The following ZFHX3 variants were observed in gnomAD, a reference collection of about 807,000 sequenced individuals.
The protein encoded by ZFHX3 is zinc finger homeobox 3.
In ZFHX3, 42 loss-of-function variants were observed where a neutral mutation model predicts 279.1. That is an observed-to-expected ratio of 0.15 (90% confidence interval 0.12 to 0.19). The LOEUF is 0.19. ZFHX3 is among the 10% of genes least tolerant of loss of function. ZFHX3 has a pLI of 1.00. For synonymous variants in ZFHX3, 2,293 were observed against 1,957.8 expected (o/e 1.17, Z -4.52); for missense variants, 4,981 against 4,754.0 (o/e 1.05, Z -1.40).
At chr16:72,835,226 G>T (rs2037160779) in intron 4 of ZFHX3, among the ~76,000 whole-genome samples, 1 of 152,194 alleles carries the variant, frequency 6.6e-6, no homozygotes, top group South Asian at 2.1e-4. Context: ...AACATTAGCT[G>T]TCATGAACCA....
At chr16:73,530,269 C>T (rs543592824) in intron 2 of ZFHX3, among the ~76,000 whole-genome samples, 4 of 152,128 alleles carry the variant, frequency 2.6e-5, no homozygotes, top group South Asian at 2.1e-4. Flanking sequence ...GGAAATTGCC[C>T]CCCTACTTAT....
intron 5 of ZFHX3, chr16:73,144,174 T>C (rs1966854671): frequency 5.4e-6 from 1 of 186,704 alleles, no homozygotes; most frequent in Non-Finnish European, 1.1e-5. Context: ...TAAAGAAATA[T>C]TGGTAGCGGG....
chr16:73,787,814 A>AGTGTGT (rs72236616), intron 1 of ZFHX3, among the ~76,000 whole-genome samples: 1,807 of 138,024 alleles, frequency 0.013, 17 homozygotes, highest in East Asian at 0.02. Flanking sequence ...GTTTTCTTAA[A>AGTGTGT]GTGTGTGTGT....
At chr16:73,327,127 T>C (rs542972302) in intron 3 of ZFHX3, among the ~76,000 whole-genome samples, 80 of 152,340 alleles carry the variant, frequency 5.3e-4, no homozygotes, top group African/African-American at 1.8e-3. Context: ...GATCAAACTA[T>C]TTTTGTTTTT....
chr16:73,335,763 C>G (rs565634448), intron 3 of ZFHX3, among the ~76,000 whole-genome samples: 2 of 152,308 alleles, frequency 1.3e-5, no homozygotes, highest in Admixed American at 1.3e-4. Context: ...GGGGAAGGCA[C>G]AGAGTCCCAC....
chr16:73,248,645 ATGTG>A (rs145260850), intron 5 of ZFHX3, among the ~76,000 whole-genome samples: 7 of 149,006 alleles, frequency 4.7e-5, no homozygotes, highest in Admixed American at 6.7e-5. Context: ...TGGAGAATGT[ATGTG>A]TGTGTGTGTG....
chr16:73,494,277 A>T (rs557163676), intron 2 of ZFHX3, among the ~76,000 whole-genome samples: 1 of 152,296 alleles, frequency 6.6e-6, no homozygotes, highest in South Asian at 2.1e-4. Context: ...CGTAAAGCAA[A>T]TGGCTGCAGG....
At chr16:73,690,710 G>A (rs988831116) in intron 1 of ZFHX3, among the ~76,000 whole-genome samples, 3 of 152,134 alleles carry the variant, frequency 2.0e-5, no homozygotes, top group African/African-American at 7.2e-5. Flanking sequence ...TTCCTCTTTT[G>A]GCTGCTGTGG....
chr16:73,702,740 A>G (rs890856926), intron 1 of ZFHX3, among the ~76,000 whole-genome samples: 1 of 152,150 alleles, frequency 6.6e-6, no homozygotes, highest in Non-Finnish European at 1.5e-5. Flanking sequence ...GGAAAATTCA[A>G]TTGAATTTTC....
At chr16:72,854,298 G>A (rs923440419) in intron 4 of ZFHX3, among the ~76,000 whole-genome samples, 3 of 152,146 alleles carry the variant, frequency 2.0e-5, no homozygotes, top group African/African-American at 7.2e-5. Context: ...GTGGTTAGCC[G>A]GCCTGGCACC....
chr16:73,520,766 C>A (rs928475989), intron 2 of ZFHX3, among the ~76,000 whole-genome samples: 2 of 152,152 alleles, frequency 1.3e-5, no homozygotes, highest in Non-Finnish European at 2.9e-5. Flanking sequence ...ATTTATTTAG[C>A]ACCTACTATT....
chr16:73,656,955 G>C (rs181517329), intron 2 of ZFHX3, among the ~76,000 whole-genome samples: 5 of 152,310 alleles, frequency 3.3e-5, no homozygotes, highest in African/African-American at 1.2e-4. Context: ...TAGAATGCCA[G>C]TGTGTATAAC....
intron 1 of ZFHX3, among the ~76,000 whole-genome samples, chr16:73,807,211 T>G (rs1960300308): frequency 6.6e-6 from 1 of 152,160 alleles, no homozygotes. Flanking sequence ...AGTTGAGTTG[T>G]GTGAATACAT....
At chr16:73,794,642 A>T (rs1229551747) in intron 1 of ZFHX3, among the ~76,000 whole-genome samples, 1 of 152,024 alleles carries the variant, frequency 6.6e-6, no homozygotes, top group East Asian at 1.9e-4. Context: ...GACAGTGCAA[A>T]CTCATTCACA....
chr16:73,603,428 G>C (rs573796088), intron 2 of ZFHX3, among the ~76,000 whole-genome samples: 1 of 152,222 alleles, frequency 6.6e-6, no homozygotes, highest in South Asian at 2.1e-4. Flanking sequence ...ATGTAATTAA[G>C]ACATTGAGGC....
Position 73,411,315 on chromosome 16 carries a change from T to G in ZFHX3, c.-1291+44688A>C, listed in dbSNP as rs576416569. ...AATTTTATAGGAGATTTGTGTATTA[T>G]TGTTAAAATTTCATCAGAAATTGGC... On this transcript the variant is annotated intron_variant, in intron 3 of 17. Transcript: ENST00000641206. 3.9e-4 allele frequency among the ~76,000 whole-genome samples: 59 copies of G among 152,362 alleles called. 1 individual carries two copies. In the South Asian group the frequency reaches 0.012, roughly 30 times the overall value.
rs1028973719 is a variant in ZFHX3 at position 73,612,229 on chromosome 16, G to T, written c.-1547+67951C>A. Among the ~76,000 whole-genome samples, 25 of 152,176 alleles carry T rather than the reference G, an allele frequency of 1.6e-4. No individual in the cohort carries two copies. The East Asian group carries it at 4.4e-3, about 27-fold the overall frequency. On this transcript the variant is annotated intron_variant, in intron 2 of 17. Coordinates refer to the ZFHX3 transcript ENST00000641206. Reference sequence around the variant, plus strand: ...GATTTTTTTTTTAAAGGGCAATGTGGTGTTTTAAAATTTTAATTTAGTTAA... The same window carrying T: ...GATTTTTTTTTTAAAGGGCAATGTGTTGTTTTAAAATTTTAATTTAGTTAA...
intron 3 of ZFHX3, among the ~76,000 whole-genome samples, chr16:72,904,369 A>ACT (rs1274100915): frequency 2.1e-5 from 1 of 47,614 alleles, no homozygotes; most frequent in Non-Finnish European, 4.9e-5. Context: ...TCTGTCTCAA[A>ACT]ATAAATAAAT....
chr16:73,672,567 T>C lies in ZFHX3; in HGVS notation c.-1547+7613A>G, dbSNP rs543320970. On this transcript the variant is annotated intron_variant, in intron 2 of 17. Transcript: ENST00000641206. Reference sequence around the variant, plus strand: ...ACATCAAATAATAAAGAACAGAAATTAGTAATATAGAAACTGAGCATCATA... The same window carrying C: ...ACATCAAATAATAAAGAACAGAAATCAGTAATATAGAAACTGAGCATCATA... Among the ~76,000 whole-genome samples the C allele has an allele frequency of 7.9e-5, 12 of 152,190 alleles. No individual in the cohort carries two copies. The East Asian group carries it at 2.3e-3, about 29-fold the overall frequency.
Sources: gnomAD v4.1 joint callset for allele counts (sites outside exome capture counted in the v4.1 genomes callset) on GRCh38, gnomAD v4.1.1 for gene constraint, MANE v1.5 for transcripts, NCBI Gene and HGNC (gene_info 2026-07-23, HGNC 2026-07-21) for gene names.